The following CNTN6 variants were observed in gnomAD, a reference collection of about 807,000 sequenced individuals.
CNTN6 encodes contactin-6.
CNTN6 carries 137 observed loss-of-function variants against 122.8 expected under a neutral mutation model. The observed-to-expected ratio is 1.12, with a 90% CI of 0.97 to 1.29. The LOEUF (loss-of-function observed/expected upper bound fraction) is 1.29. Ranked by LOEUF, CNTN6 falls within the 50% of genes most tolerant of loss-of-function variation. The pLI is 0.00. For synonymous variants in CNTN6, 570 were observed against 426.0 expected, an observed-to-expected ratio of 1.34 and a Z score of -4.16; for missense variants, 1,634 against 1,223.4, an observed-to-expected ratio of 1.34 and a Z score of -5.01.
In CNTN6 at chr3:1,130,798, C is replaced by T. The variant is rs542288141; in HGVS notation, c.-82-17129C>T. 2.6e-5 allele frequency among the ~76,000 whole-genome samples: 4 copies of T among 152,230 alleles called. No individual in the cohort carries two copies. In the South Asian group the frequency reaches 6.2e-4, roughly 24 times the overall value. On this transcript the variant is annotated intron_variant, in intron 1 of 22. Transcript: ENST00000446702. ...TGCACATATGCAGACAAGAAAGCTT[C>T]TGCCTGTCTGTGTCAAAATAGGAAT...
chr3:1,280,766 G>A (rs1481995010), intron 5 of CNTN6, among the ~76,000 whole-genome samples: 2 of 151,896 alleles, frequency 1.3e-5, no homozygotes, highest in Non-Finnish European at 2.9e-5. Context: ...CACCTGGTCC[G>A]AGATTTAATT....
At chr3:1,252,604 A>G (rs2094689302) in intron 4 of CNTN6, among the ~76,000 whole-genome samples, 1 of 152,236 alleles carries the variant, frequency 6.6e-6, no homozygotes, top group African/African-American at 2.4e-5. Context: ...TATTTTAACA[A>G]AAATAATAAA....
At chr3:1,168,698 A>G (rs891879977) in intron 2 of CNTN6, among the ~76,000 whole-genome samples, 1 of 152,036 alleles carries the variant, frequency 6.6e-6, no homozygotes, top group East Asian at 1.9e-4. Context: ...CAGGTAACAC[A>G]AGAGTACCTG....
At chr3:1,206,790 T>G (rs2093963699) in intron 2 of CNTN6, among the ~76,000 whole-genome samples, 1 of 152,162 alleles carries the variant, frequency 6.6e-6, no homozygotes, top group African/African-American at 2.4e-5. Flanking sequence ...CAGTGGAATG[T>G]TTTTTACTCA....
chr3:1,344,998 C>T (rs1225410262), intron 11 of CNTN6, among the ~76,000 whole-genome samples: 3 of 152,088 alleles, frequency 2.0e-5, no homozygotes, highest in Non-Finnish European at 4.4e-5. Flanking sequence ...ATTTTTACTA[C>T]ATTGATGATC....
intron 12 of CNTN6, among the ~76,000 whole-genome samples, chr3:1,359,177 T>C (rs535885279): frequency 6.6e-6 from 1 of 152,242 alleles, no homozygotes; most frequent in Admixed American, 6.6e-5. Context: ...ATAAATATGA[T>C]GCCATAAATA....
At chr3:1,173,198 T>C (rs1156293608) in intron 2 of CNTN6, 1 of 456,438 alleles carries the variant, frequency 2.2e-6, no homozygotes, top group Admixed American at 2.4e-5. Context: ...ATTTGTTTCA[T>C]CCTAGAAAAG....
intron 12 of CNTN6, among the ~76,000 whole-genome samples, chr3:1,371,516 T>C (rs1193637378): frequency 2.0e-5 from 3 of 152,106 alleles, no homozygotes; most frequent in Non-Finnish European, 4.4e-5. Flanking sequence ...ATCAGAACTT[T>C]ATTATAAACG....
chr3:1,293,024 C>G (rs1184494215), intron 5 of CNTN6, among the ~76,000 whole-genome samples: 1 of 152,080 alleles, frequency 6.6e-6, no homozygotes. Context: ...TGCATTTTCT[C>G]ACTTCATGCG....
chr3:1,219,079 G>A (rs527981812), intron 2 of CNTN6, among the ~76,000 whole-genome samples: 18 of 152,234 alleles, frequency 1.2e-4, no homozygotes, highest in South Asian at 2.1e-4. Context: ...GATTCACACC[G>A]ATAAAACAGA....
At chr3:1,209,445 C>T (rs1456388111) in intron 2 of CNTN6, among the ~76,000 whole-genome samples, 1 of 152,116 alleles carries the variant, frequency 6.6e-6, no homozygotes, top group African/African-American at 2.4e-5. Context: ...AGTAAGAGGC[C>T]ACTGAGTGTC....
chr3:1,177,743 G>A (rs1559462286), intron 2 of CNTN6, among the ~76,000 whole-genome samples: 1 of 151,816 alleles, frequency 6.6e-6, no homozygotes, highest in African/African-American at 2.4e-5. Context: ...TTTCTGAAGG[G>A]AAATATTCTT....
intron 11 of CNTN6, among the ~76,000 whole-genome samples, chr3:1,331,321 TAATA>T (rs1702255224): frequency 6.6e-6 from 1 of 151,994 alleles, no homozygotes; most frequent in African/African-American, 2.4e-5. Context: ...AACCAAAACT[TAATA>T]AATATCTGTG....
At chr3:1,266,130 A>G (rs2094922604) in intron 4 of CNTN6, among the ~76,000 whole-genome samples, 1 of 152,106 alleles carries the variant, frequency 6.6e-6, no homozygotes, top group African/African-American at 2.4e-5. Flanking sequence ...TATCAACATT[A>G]AAAATGATGA....
chr3:1,223,564 G>A (rs1300648989), intron 3 of CNTN6, among the ~76,000 whole-genome samples: 19 of 152,222 alleles, frequency 1.2e-4, no homozygotes. Flanking sequence ...TGGTGCTTTG[G>A]AAGGATTGCT....
intron 7 of CNTN6, among the ~76,000 whole-genome samples, chr3:1,317,826 G>C (rs1700302075): frequency 1.3e-5 from 2 of 151,032 alleles, no homozygotes; most frequent in Non-Finnish European, 3.0e-5. Flanking sequence ...CAGAGGTGTG[G>C]TCAGCCCAAC....
chr3:1,160,791 C>G (rs1291888448), intron 2 of CNTN6, among the ~76,000 whole-genome samples: 1 of 151,852 alleles, frequency 6.6e-6, no homozygotes, highest in East Asian at 1.9e-4. Flanking sequence ...ACATATTTAG[C>G]CAGGGTGTGC....
At chr3:1,377,525 G>T (rs1312920261) in intron 17 of CNTN6, among the ~76,000 whole-genome samples, 2 of 152,094 alleles carry the variant, frequency 1.3e-5, no homozygotes, top group Non-Finnish European at 2.9e-5. Context: ...AGTAGATTTT[G>T]TGGTCATTCT....
chr3:1,306,898 A>G lies in CNTN6; in HGVS notation c.761+8907A>G, dbSNP rs114155385. 3.1e-3 allele frequency among the ~76,000 whole-genome samples: 476 copies of G among 152,314 alleles called. 1 individual carries two copies. The highest frequency in any genetic ancestry group is 0.011 in the African/African-American group (446 of 41,568). The stretch of plus-strand genomic sequence containing the variant: ...GATTTATCATTTTAAATTCTGTTCA[A>G]TCTTTCTAAGAGTTACTGACGTTTC... On this transcript the variant is annotated intron_variant, in intron 7 of 22. Transcript: ENST00000446702.
Sources: allele counts gnomAD v4.1 joint callset (sites outside exome capture counted in the v4.1 genomes callset), GRCh38; gene constraint gnomAD v4.1.1; transcripts MANE v1.5; gene names NCBI Gene and HGNC (gene_info 2026-07-23, HGNC 2026-07-21).